Variants in FOXP1 observed in about 807,000 individuals in gnomAD.
FOXP1 encodes the protein forkhead box P1.
FOXP1 carries 15 observed loss-of-function variants against 98.2 expected under a neutral mutation model. The ratio of observed to expected loss-of-function variants is 0.15; its 90% CI spans 0.10 to 0.24. The LOEUF (loss-of-function observed/expected upper bound fraction) is 0.24, where lower values mean the gene tolerates loss of function less well. Among genes scored for constraint, FOXP1 ranks in the 10% least tolerant of loss-of-function variants. The pLI is 1.00. For synonymous variants in FOXP1, 371 were observed against 314.5 expected (o/e 1.18, Z -1.90); for missense variants, 633 against 848.5 (o/e 0.75, Z 3.15).
intron 2 of FOXP1, among the ~76,000 whole-genome samples, chr3:71,523,984 T>G (rs17008723): frequency 0.15 from 22,160 of 152,032 alleles, 1,842 homozygotes; most frequent in Middle Eastern, 0.21. Context: ...GAAAAAACAA[T>G]GTATGTTACC....
intron 11 of FOXP1, among the ~76,000 whole-genome samples, chr3:71,016,042 T>C (rs1353958958): frequency 6.6e-6 from 1 of 152,196 alleles, no homozygotes; most frequent in Non-Finnish European, 1.5e-5. Flanking sequence ...CAAGGAATAT[T>C]ATCCATTTTC....
intron 6 of FOXP1, among the ~76,000 whole-genome samples, chr3:71,147,927 A>G (rs1179095606): frequency 6.6e-6 from 1 of 152,256 alleles, no homozygotes; most frequent in Non-Finnish European, 1.5e-5. Context: ...ATATGTCTAA[A>G]ACAGCATAGC....
chr3:70,972,729 C>T (rs2036531256), intron 17 of FOXP1, 53 bp from the exon 18 acceptor site: 12 of 1,582,846 alleles, frequency 7.6e-6, no homozygotes, highest in East Asian at 6.7e-5. Context: ...GAAAAGACTC[C>T]AAAAACAGCA....
At chr3:70,966,215 C>T (rs534306390) in intron 19 of FOXP1, 159 bp from the exon 20 acceptor site, 40 of 714,264 alleles carry the variant, frequency 5.6e-5, no homozygotes, top group African/African-American at 3.5e-4. Flanking sequence ...GCTTTAAAAA[C>T]GACTCGTGGC....
chr3:71,459,485 C>T (rs549495236), intron 3 of FOXP1, among the ~76,000 whole-genome samples: 3 of 152,332 alleles, frequency 2.0e-5, no homozygotes, highest in South Asian at 4.1e-4. Flanking sequence ...GATGGAGTCT[C>T]TCTAGTTCCC....
rs146606219 is a variant in FOXP1, at chr3:71,046,963, G to C, written c.643C>G (p.Pro215Ala). The C allele has an allele frequency of 1.1e-3, 1,845 of 1,614,070 alleles. 4 individuals carry two copies. Among genetic ancestry groups the C allele is most frequent in the Non-Finnish European group, 1.4e-3 (1,650 of 1,179,962 alleles). ...LTIQPGQPAL[P>A]LQPLAQGMIP... ...ATACCTTGAGCAAGAGGTTGAAGGGGAAGGGCAGGCTGCCCGGGCTGAATT... is the reference window on the plus strand; with the variant it reads ...ATACCTTGAGCAAGAGGTTGAAGGGCAAGGGCAGGCTGCCCGGGCTGAATT... The change falls in exon 10 of 21, where the codon CCC becomes GCC. Residue 215 changes from proline to alanine, a missense_variant. This residue lies in a region of FOXP1 where 210 missense variants were observed against 270.6 expected (regional missense o/e 0.78). Transcript: ENST00000649528.
chr3:71,286,340 C>T (rs1053011080), intron 5 of FOXP1, among the ~76,000 whole-genome samples: 5 of 148,804 alleles, frequency 3.4e-5, no homozygotes, highest in African/African-American at 1.2e-4. Flanking sequence ...GCACACAGCT[C>T]AATTTTAAAC....
At chr3:70,971,006 A>C (rs1484426899) in intron 18 of FOXP1, 1 of 577,018 alleles carries the variant, frequency 1.7e-6, no homozygotes, top group Non-Finnish European at 3.1e-6. Flanking sequence ...GGACTTCTCT[A>C]TTCAAGGAAA....
intron 4 of FOXP1, among the ~76,000 whole-genome samples, chr3:71,339,918 T>TGA (rs1476909717): frequency 2.0e-5 from 3 of 152,228 alleles, no homozygotes; most frequent in Non-Finnish European, 4.4e-5. Flanking sequence ...AAATCTCTTC[T>TGA]GAAAAACCAT....
At chr3:71,429,101 C>T (rs572369167) in intron 3 of FOXP1, among the ~76,000 whole-genome samples, 20 of 152,246 alleles carry the variant, frequency 1.3e-4, no homozygotes, top group African/African-American at 4.6e-4. Flanking sequence ...AGGCTGGGGA[C>T]GAGAAGGTGG....
In FOXP1 at chr3:71,429,781, A is replaced by G. The variant is rs148557823; in HGVS notation, c.-168+63645T>C. 4.3e-3 allele frequency among the ~76,000 whole-genome samples: 652 copies of G among 152,252 alleles called. 7 individuals carry two copies. Among genetic ancestry groups the G allele is most frequent in the African/African-American group, 0.015 (626 of 41,562 alleles). ...GAATCACCGTCATTGAAAGACAGCT[A>G]AATCACCCCACGGTGCCTGATCTCA... On this transcript the variant is annotated intron_variant, in intron 3 of 20. Transcript: ENST00000649528.
At chr3:71,169,570 TTTTG>T (rs1455346465) in intron 6 of FOXP1, among the ~76,000 whole-genome samples, 3 of 152,268 alleles carry the variant, frequency 2.0e-5, no homozygotes, top group East Asian at 3.9e-4. Flanking sequence ...ATCTTCTGGC[TTTTG>T]TTTAACTGCA....
intron 4 of FOXP1, chr3:71,332,848 G>GT (rs2076423790): frequency 6.6e-6 from 1 of 152,306 alleles, no homozygotes; most frequent in African/African-American, 2.4e-5. Context: ...TAGCACCTAG[G>GT]TGGGAAGAAG....
chr3:71,363,897 G>T (rs1247886485), intron 3 of FOXP1, among the ~76,000 whole-genome samples: 1 of 152,136 alleles, frequency 6.6e-6, no homozygotes, highest in Admixed American at 6.6e-5. Context: ...TTCTTCCCTG[G>T]ATCGTGGGCG....
At chr3:71,095,123 C>T (rs1273524237) in intron 7 of FOXP1, among the ~76,000 whole-genome samples, 3 of 152,200 alleles carry the variant, frequency 2.0e-5, no homozygotes, top group African/African-American at 4.8e-5. Flanking sequence ...TATTTATTTT[C>T]AAATTCATCT....
At chr3:70,995,342 G>T (rs970859471) in intron 13 of FOXP1, among the ~76,000 whole-genome samples, 49 of 152,282 alleles carry the variant, frequency 3.2e-4, no homozygotes, top group African/African-American at 1.0e-3. Context: ...CTGTGTCTCT[G>T]TCCCTCTGTC....
intron 7 of FOXP1, among the ~76,000 whole-genome samples, chr3:71,067,500 G>GT (rs2052661752): frequency 1.3e-5 from 2 of 152,166 alleles, no homozygotes; most frequent in African/African-American, 4.8e-5. Flanking sequence ...GATTGTGGGT[G>GT]TTTTAACAGT....
At chr3:71,293,099 T>C (rs1381154431) in intron 5 of FOXP1, among the ~76,000 whole-genome samples, 1 of 152,234 alleles carries the variant, frequency 6.6e-6, no homozygotes. Flanking sequence ...ACAGATGTGC[T>C]ACCTTTTATA....
intron 10 of FOXP1, 112 bp from the exon 11 acceptor site, chr3:71,041,644 C>T (rs1448948661): frequency 1.8e-5 from 19 of 1,047,938 alleles, no homozygotes; most frequent in South Asian, 4.0e-5. Context: ...GGGGGTTTTT[C>T]GGTGTGTGCA....
Sources: allele counts gnomAD v4.1 joint callset (sites outside exome capture counted in the v4.1 genomes callset), GRCh38; gene constraint gnomAD v4.1.1; regional missense constraint gnomAD v4.1.1; transcripts MANE v1.5; gene names NCBI Gene and HGNC (gene_info 2026-07-23, HGNC 2026-07-21).